Variants in COG5 observed in about 807,000 individuals in gnomAD.
COG5 encodes component of oligomeric golgi complex 5.
Under a neutral mutation model 110.4 loss-of-function variants are expected in COG5, and 86 were observed. The ratio of observed to expected loss-of-function variants is 0.78; its 90% CI spans 0.65 to 0.93. The LOEUF (loss-of-function observed/expected upper bound fraction) is 0.93. Among genes scored for constraint, COG5 ranks in the 40% least tolerant of loss-of-function variants. COG5 has a pLI of 0.00. For synonymous variants in COG5, 360 were observed against 334.6 expected (o/e 1.08, Z -0.83); for missense variants, 1,077 against 987.0 (o/e 1.09, Z -1.22).
At chr7:107,441,703 C>A (rs563503360) in intron 6 of COG5, among the ~76,000 whole-genome samples, 1 of 152,270 alleles carries the variant, frequency 6.6e-6, no homozygotes, top group East Asian at 1.9e-4. Flanking sequence ...ACTTATCCAT[C>A]TTCTGAATTT....
intron 10 of COG5, among the ~76,000 whole-genome samples, chr7:107,343,581 C>A (rs187386046): frequency 6.6e-6 from 1 of 151,808 alleles, no homozygotes; most frequent in Admixed American, 6.6e-5. Flanking sequence ...CTTGGGAAGC[C>A]GAGGCTAGAG....
chr7:107,317,531 G>T (rs1013106184), intron 11 of COG5, among the ~76,000 whole-genome samples: 1 of 152,100 alleles, frequency 6.6e-6, no homozygotes, highest in Non-Finnish European at 1.5e-5. Context: ...ATAATTCACA[G>T]GGTAATAATT....
chr7:107,536,837 G>A (rs992689193), intron 5 of COG5, among the ~76,000 whole-genome samples: 1 of 152,158 alleles, frequency 6.6e-6, no homozygotes, highest in Non-Finnish European at 1.5e-5. Context: ...AAAGCTAGAG[G>A]CATCACACTG....
In COG5 at chr7:107,474,868, G is replaced by C. The variant is rs757317859; in HGVS notation, c.538+52369C>G. On this transcript the variant is annotated intron_variant, in intron 6 of 21. Coordinates refer to ENST00000297135, the MANE Select transcript of COG5 (RefSeq NM_006348.5). This position sits in a 1 kb window ranked among gnomAD's most constrained non-coding sequence, Gnocchi z 5.7. ...TCTAACCACACAACATGAGGCTACA[G>C]ACATGTCACAAAGCAGTGGTGGGAG... is the stretch of plus-strand genomic sequence containing the variant. 1 of 1,613,150 alleles carries C rather than the reference G, an allele frequency of 6.2e-7. No homozygotes were observed. Among genetic ancestry groups the C allele is most frequent in the Non-Finnish European group, 8.5e-7 (1 of 1,179,464 alleles).
intron 14 of COG5, among the ~76,000 whole-genome samples, chr7:107,270,110 T>G (rs571225028): frequency 6.6e-6 from 1 of 152,340 alleles, no homozygotes; most frequent in East Asian, 1.9e-4. Flanking sequence ...TCAGTCCCAT[T>G]CATTGTGATC....
At chr7:107,226,652 C>T (rs1394225434) in intron 19 of COG5, among the ~76,000 whole-genome samples, 1 of 152,200 alleles carries the variant, frequency 6.6e-6, no homozygotes, top group Non-Finnish European at 1.5e-5. Flanking sequence ...AGCACATGCT[C>T]ACATCTCTCT....
In COG5 at chr7:107,218,622, A is replaced by G. The variant is rs1799684539; in HGVS notation, c.2169-7397T>C. ...GGGAAAAGGACAGCCTCTCCAATAA[A>G]GGGTGTTGGGACAACTGGATATCCA... On this transcript the variant is annotated intron_variant, in intron 19 of 21. Coordinates refer to ENST00000297135, the MANE Select transcript of COG5 (RefSeq NM_006348.5). Among the ~76,000 whole-genome samples, 3 of 152,276 alleles carry G rather than the reference A, an allele frequency of 2.0e-5. 1 individual carries two copies. In the South Asian group the frequency reaches 6.2e-4, roughly 32 times the overall value.
intron 3 of COG5, among the ~76,000 whole-genome samples, chr7:107,548,799 T>G (rs1051418739): frequency 6.6e-6 from 1 of 152,242 alleles, no homozygotes; most frequent in Non-Finnish European, 1.5e-5. Flanking sequence ...GTCCACAGCT[T>G]AGTCTACAAC....
At chr7:107,486,687 C>A (rs1413604581) in intron 6 of COG5, among the ~76,000 whole-genome samples, 1 of 152,042 alleles carries the variant, frequency 6.6e-6, no homozygotes, top group Non-Finnish European at 1.5e-5. Flanking sequence ...AGACAAACAA[C>A]TGAACTGCAA....
At chr7:107,417,590 G>A (rs933792619) in intron 6 of COG5, among the ~76,000 whole-genome samples, 2 of 152,058 alleles carry the variant, frequency 1.3e-5, no homozygotes, top group Non-Finnish European at 2.9e-5. Context: ...TTGGATCAAA[G>A]TAACACGTTA....
intron 7 of COG5, among the ~76,000 whole-genome samples, chr7:107,384,407 C>T (rs1417331720): frequency 6.6e-6 from 1 of 152,178 alleles, no homozygotes; most frequent in Non-Finnish European, 1.5e-5. Context: ...ACCGCCTTTG[C>T]AGCAGGGAGG....
chr7:107,486,114 T>A lies in COG5; in HGVS notation c.538+41123A>T, dbSNP rs548243396. Among the ~76,000 whole-genome samples the A allele has an allele frequency of 5.3e-4, 80 of 152,016 alleles. 1 individual carries two copies. Among genetic ancestry groups the A allele is most frequent in the Non-Finnish European group, 9.7e-4 (66 of 68,000 alleles). ...GATAAAGCTGAAAAATAGGTTATAT[T>A]CGTGTTTGCCAGGCCAAAAAAAAAT... On this transcript the variant is annotated intron_variant, in intron 6 of 21. Coordinates refer to ENST00000297135, the MANE Select transcript of COG5 (RefSeq NM_006348.5).
chr7:107,427,021 A>G (rs1172397852), intron 6 of COG5, among the ~76,000 whole-genome samples: 1 of 152,212 alleles, frequency 6.6e-6, no homozygotes, highest in African/African-American at 2.4e-5. Context: ...ATCTCTGACT[A>G]CTATTCGATA....
chr7:107,441,406 CCTTAA>C (rs1364886313), intron 6 of COG5, among the ~76,000 whole-genome samples: 2 of 152,066 alleles, frequency 1.3e-5, no homozygotes, highest in African/African-American at 2.4e-5. Flanking sequence ...GGGATTGAGT[CCTTAA>C]CTTGTCTCCA....
intron 10 of COG5, among the ~76,000 whole-genome samples, chr7:107,325,675 AG>A (rs1809703635): frequency 6.6e-6 from 1 of 152,178 alleles, no homozygotes; most frequent in Non-Finnish European, 1.5e-5. Flanking sequence ...CAAACAAAAA[AG>A]TAAGAGTAAA....
At chr7:107,417,499 T>C (rs1792944442) in intron 6 of COG5, among the ~76,000 whole-genome samples, 1 of 152,178 alleles carries the variant, frequency 6.6e-6, no homozygotes, top group Non-Finnish European at 1.5e-5. Flanking sequence ...TTTGTTATCA[T>C]AAATGACTAC....
intron 16 of COG5, among the ~76,000 whole-genome samples, chr7:107,254,627 T>C (rs557565101): frequency 6.6e-6 from 1 of 152,214 alleles, no homozygotes; most frequent in South Asian, 2.1e-4. Flanking sequence ...TAAGCAAACC[T>C]CAGAGTCACG....
At chr7:107,512,228 C>T (rs1799572095) in intron 6 of COG5, among the ~76,000 whole-genome samples, 1 of 152,136 alleles carries the variant, frequency 6.6e-6, no homozygotes, top group Admixed American at 6.5e-5. Flanking sequence ...GTGCAAAAAT[C>T]ACAAGCATCC....
intron 6 of COG5, among the ~76,000 whole-genome samples, chr7:107,414,159 C>T (rs1792523467): frequency 6.6e-6 from 1 of 152,110 alleles, no homozygotes; most frequent in Non-Finnish European, 1.5e-5. Flanking sequence ...TATTAAATAA[C>T]TAGTTTAACT....
Sources: gnomAD v4.1 joint callset for allele counts (sites outside exome capture counted in the v4.1 genomes callset) on GRCh38, gnomAD v4.1.1 for gene constraint, Gnocchi (gnomAD v3.1) non-coding constraint, MANE v1.5 for transcripts, NCBI Gene and HGNC (gene_info 2026-07-23, HGNC 2026-07-21) for gene names.